The following ANO4 variants were observed in gnomAD, a reference collection of about 807,000 sequenced individuals.
ANO4 encodes anoctamin-4.
In ANO4, 69 loss-of-function variants were observed where a neutral mutation model predicts 141.9. The ratio of observed to expected loss-of-function variants is 0.49; its 90% CI spans 0.40 to 0.59. The LOEUF (loss-of-function observed/expected upper bound fraction) is 0.59, where lower values mean the gene tolerates loss of function less well. Among genes scored for constraint, ANO4 ranks in the 20% least tolerant of loss-of-function variants. ANO4 has a pLI of 0.00. For synonymous variants in ANO4, 350 were observed against 394.3 expected (o/e 0.89, Z 1.33); for missense variants, 894 against 1,162.2 (o/e 0.77, Z 3.36).
chr12:101,047,759 G>T (rs1376813486), intron 13 of ANO4, among the ~76,000 whole-genome samples: 1 of 152,136 alleles, frequency 6.6e-6, no homozygotes, highest in South Asian at 2.1e-4. Flanking sequence ...ATTGCTAGTT[G>T]TCTTTGTGTT....
intron 14 of ANO4, among the ~76,000 whole-genome samples, chr12:101,054,428 T>C (rs1181372076): frequency 6.6e-6 from 1 of 152,226 alleles, no homozygotes; most frequent in East Asian, 1.9e-4. Flanking sequence ...CAACTTTAAG[T>C]GAACAATTCA....
chr12:100,901,111 G>A (rs963556880), intron 1 of ANO4, among the ~76,000 whole-genome samples: 1 of 152,042 alleles, frequency 6.6e-6, no homozygotes, highest in Non-Finnish European at 1.5e-5. Flanking sequence ...AAAGGGAGTG[G>A]GATCGATGAA....
chr12:100,862,367 G>A (rs2038526251), intron 1 of ANO4, among the ~76,000 whole-genome samples: 1 of 152,126 alleles, frequency 6.6e-6, no homozygotes, highest in African/African-American at 2.4e-5. Flanking sequence ...TGTTGCCCAG[G>A]CTGGAGTGCA....
At chr12:101,063,011 G>T (rs889036357) in intron 14 of ANO4, among the ~76,000 whole-genome samples, 1 of 152,234 alleles carries the variant, frequency 6.6e-6, no homozygotes, top group African/African-American at 2.4e-5. Context: ...GGGCCCTGGT[G>T]GCACAGGCAC....
chr12:101,039,370 T>A (rs1471842572), intron 10 of ANO4, among the ~76,000 whole-genome samples: 1 of 152,210 alleles, frequency 6.6e-6, no homozygotes, highest in Non-Finnish European at 1.5e-5. Flanking sequence ...CCGTGCATGG[T>A]GGCACATGCC....
chr12:100,909,721 A>G (rs1202176943), intron 2 of ANO4, among the ~76,000 whole-genome samples: 1 of 152,194 alleles, frequency 6.6e-6, no homozygotes, highest in Admixed American at 6.5e-5. Context: ...GCATAATGAT[A>G]GGAACGGTGC....
At chr12:100,738,281 C>T (rs759261242) in intron 2 of ANO4, among the ~76,000 whole-genome samples, 1 of 152,098 alleles carries the variant, frequency 6.6e-6, no homozygotes, top group Non-Finnish European at 1.5e-5. Flanking sequence ...TTCTTTGCCC[C>T]GTGGGTATCA....
intron 3 of ANO4, among the ~76,000 whole-genome samples, chr12:100,752,155 A>G (rs1021250548): frequency 6.6e-6 from 1 of 152,030 alleles, no homozygotes; most frequent in Non-Finnish European, 1.5e-5. Flanking sequence ...TAGCCCATGG[A>G]TTCCTTCTCT....
At chr12:100,772,961 C>A (rs935127057) in intron 3 of ANO4, among the ~76,000 whole-genome samples, 13 of 152,190 alleles carry the variant, frequency 8.5e-5, no homozygotes, top group African/African-American at 2.9e-4. Flanking sequence ...TTCTTTCTCT[C>A]CTGTTAGAGG....
intron 1 of ANO4, among the ~76,000 whole-genome samples, chr12:100,728,189 T>C (rs1593234470): frequency 6.6e-6 from 1 of 152,200 alleles, no homozygotes. Flanking sequence ...TTCGTGGCGG[T>C]TAGGATGAAA....
intron 27 of ANO4, among the ~76,000 whole-genome samples, chr12:101,127,535 T>TGAA (rs2051372727): frequency 6.6e-6 from 1 of 152,192 alleles, no homozygotes. Flanking sequence ...CAGTAACTGA[T>TGAA]GAAGAATTTC....
chr12:101,044,503 C>G (rs1333869769), intron 13 of ANO4, among the ~76,000 whole-genome samples: 1 of 152,234 alleles, frequency 6.6e-6, no homozygotes, highest in Non-Finnish European at 1.5e-5. Context: ...TTTCCAAGAG[C>G]TACTGCCTTT....
intron 1 of ANO4, among the ~76,000 whole-genome samples, chr12:100,824,346 TA>T (rs758363943): frequency 1.3e-5 from 2 of 152,112 alleles, no homozygotes; most frequent in South Asian, 4.1e-4. Context: ...ACAAAGATTT[TA>T]AAGATTCCTT....
intron 8 of ANO4, among the ~76,000 whole-genome samples, chr12:101,017,687 G>C (rs2046366343): frequency 6.6e-6 from 1 of 152,178 alleles, no homozygotes; most frequent in Non-Finnish European, 1.5e-5. Flanking sequence ...GAGTTCAAAT[G>C]CTGGTTCAGC....
Position 101,116,783 on chromosome 12 carries a change from CTCT to C in ANO4, c.2557_2559del (p.Leu853del). ...GATGGCAGTGAGTTCTCGGGGACTC[CTCT>C]TAAGTACTGCAGGTGAGTGTGGCAC... On this transcript the variant is annotated inframe_deletion, in exon 25 of 28. Coordinates refer to ENST00000392977, the MANE Select transcript of ANO4 (RefSeq NM_001286615.2). The C allele has an allele frequency of 5.6e-6, 9 of 1,614,096 alleles. No individual in the cohort carries two copies. Among genetic ancestry groups the C allele is most frequent in the Non-Finnish European group, 7.6e-6 (9 of 1,180,002 alleles).
chr12:100,780,676 T>C (rs569114210), intron 3 of ANO4, among the ~76,000 whole-genome samples: 1 of 152,250 alleles, frequency 6.6e-6, no homozygotes, highest in East Asian at 1.9e-4. Flanking sequence ...TGCTACATCC[T>C]GTTTTGATCA....
chr12:101,042,587 C>G (rs907807027), intron 12 of ANO4, 119 bp downstream of exon 12: 71 of 1,378,152 alleles, frequency 5.2e-5, no homozygotes, highest in African/African-American at 1.7e-4. Context: ...TTCCTACCCT[C>G]TCATGGAAAA....
intron 1 of ANO4, among the ~76,000 whole-genome samples, chr12:100,823,943 A>G (rs753028977): frequency 6.6e-6 from 1 of 152,060 alleles, no homozygotes; most frequent in African/African-American, 2.4e-5. Flanking sequence ...GATTTTTCAT[A>G]CAGTAACCAG....
chr12:100,904,982 A>G (rs1180775952), intron 2 of ANO4, among the ~76,000 whole-genome samples: 1 of 152,190 alleles, frequency 6.6e-6, no homozygotes, highest in African/African-American at 2.4e-5. Flanking sequence ...GATGTAGGGT[A>G]AAAGAGAAAG....
Sources: gnomAD v4.1 joint callset for allele counts (sites outside exome capture counted in the v4.1 genomes callset) on GRCh38, gnomAD v4.1.1 for gene constraint, MANE v1.5 for transcripts, NCBI Gene and HGNC (gene_info 2026-07-23, HGNC 2026-07-21) for gene names.